Variants in ZDHHC14 observed in about 807,000 individuals in gnomAD.
The protein encoded by ZDHHC14 is zDHHC palmitoyltransferase 14.
ZDHHC14 carries 16 observed loss-of-function variants against 47.7 expected under a neutral mutation model. The ratio of observed to expected loss-of-function variants is 0.34; its 90% CI spans 0.23 to 0.51. ZDHHC14 has a LOEUF of 0.51. Among genes scored for constraint, ZDHHC14 ranks in the 20% least tolerant of loss-of-function variants. ZDHHC14 has a pLI of 0.97. For missense variants in ZDHHC14, 515 were observed against 662.5 expected, an observed-to-expected ratio of 0.78 and a Z score of 2.44; for synonymous variants, 293 against 278.9, an observed-to-expected ratio of 1.05 and a Z score of -0.50.
chr6:157,464,966 A>C lies in ZDHHC14; in HGVS notation c.246-77619A>C, dbSNP rs547923917. Among the ~76,000 whole-genome samples, 26 of 152,328 alleles carry C rather than the reference A, an allele frequency of 1.7e-4. 1 individual carries two copies. In the South Asian group the frequency reaches 4.1e-3, roughly 24 times the overall value. On this transcript the variant is annotated intron_variant, in intron 1 of 8. Transcript: ENST00000359775. ...TCTAGGGCCAGTGTTCCAAGAAACC[A>C]AGACCAAAGCTGAGCCAGCCTTGAA...
At chr6:157,405,086 A>AT (rs201109908) in intron 1 of ZDHHC14, among the ~76,000 whole-genome samples, 13,425 of 152,062 alleles carry the variant, frequency 0.088, 807 homozygotes, top group African/African-American at 0.18. Flanking sequence ...CGTTTTATTT[A>AT]TTTTTTTCTG....
intron 1 of ZDHHC14, among the ~76,000 whole-genome samples, chr6:157,399,001 A>G (rs574444061): frequency 6.6e-6 from 1 of 152,348 alleles, no homozygotes; most frequent in South Asian, 2.1e-4. Flanking sequence ...GATCAAAATA[A>G]TTAAGACGTT....
At chr6:157,492,144 G>T (rs1368525034) in intron 1 of ZDHHC14, among the ~76,000 whole-genome samples, 1 of 150,968 alleles carries the variant, frequency 6.6e-6, no homozygotes, top group Admixed American at 6.6e-5. Flanking sequence ...AGGAAACCCG[G>T]CCTTTTCCCT....
At chr6:157,623,219 C>T (rs1265178868) in intron 3 of ZDHHC14, among the ~76,000 whole-genome samples, 1 of 152,130 alleles carries the variant, frequency 6.6e-6, no homozygotes, top group Non-Finnish European at 1.5e-5. Flanking sequence ...TTCCCATAAT[C>T]CCCATGTGTG....
At position 157,427,654 on chromosome 6, in the gene ZDHHC14, G is replaced by GT. The variant is rs1778248660; in HGVS notation, c.245+45389dup. The stretch of plus-strand genomic sequence containing the variant: ...CAGAGGGGCCCGCAGGCAGAGGAAC[G>GT]TGAGTATTGAGATGTCGGCATGGGA... On this transcript the variant is annotated intron_variant, in intron 1 of 8. Coordinates refer to ENST00000359775, the MANE Select transcript of ZDHHC14 (RefSeq NM_024630.3). The surrounding 1 kb of genome is among the most constrained non-coding windows in gnomAD (Gnocchi z 4.4). Among the ~76,000 whole-genome samples the GT allele has an allele frequency of 1.3e-5, 2 of 152,164 alleles. No individual in the cohort carries two copies. Among genetic ancestry groups the GT allele is most frequent in the Non-Finnish European group, 2.9e-5 (2 of 68,034 alleles).
chr6:157,414,825 T>C lies in ZDHHC14; in HGVS notation c.245+32559T>C, dbSNP rs542972959. Among the ~76,000 whole-genome samples, 32 of 151,302 alleles carry C rather than the reference T, an allele frequency of 2.1e-4. No individual in the cohort carries two copies. The East Asian group carries it at 5.8e-3, about 27-fold the overall frequency. ...CCATCTAGTTCAGGTTTGCAGCTTTTTTTTTTTTTTTTTTTTTAAACAAAT... is the reference window on the plus strand; with the variant it reads ...CCATCTAGTTCAGGTTTGCAGCTTTCTTTTTTTTTTTTTTTTTAAACAAAT... On this transcript the variant is annotated intron_variant, in intron 1 of 8. Coordinates refer to ENST00000359775, the MANE Select transcript of ZDHHC14 (RefSeq NM_024630.3).
At chr6:157,395,124 T>C (rs950471107) in intron 1 of ZDHHC14, among the ~76,000 whole-genome samples, 3 of 150,464 alleles carry the variant, frequency 2.0e-5, no homozygotes, top group African/African-American at 7.4e-5. Flanking sequence ...CTGGATGGTG[T>C]TGCCAGCTTT....
intron 1 of ZDHHC14, among the ~76,000 whole-genome samples, chr6:157,386,538 A>G (rs921901917): frequency 6.6e-6 from 1 of 152,210 alleles, no homozygotes; most frequent in African/African-American, 2.4e-5. Flanking sequence ...CAGTGAAGAC[A>G]GTACAGAAAG....
At chr6:157,575,660 C>G (rs1783278736) in intron 2 of ZDHHC14, among the ~76,000 whole-genome samples, 1 of 152,218 alleles carries the variant, frequency 6.6e-6, no homozygotes, top group Non-Finnish European at 1.5e-5. Context: ...GCCTCCAGAT[C>G]CTGGCTCAAA....
At chr6:157,501,633 T>A (rs2114738707) in intron 1 of ZDHHC14, among the ~76,000 whole-genome samples, 1 of 152,352 alleles carries the variant, frequency 6.6e-6, no homozygotes, top group South Asian at 2.1e-4. Flanking sequence ...AAGTTAGTAT[T>A]GTTTTATTTT....
chr6:157,615,516 T>C (rs1229660655), intron 3 of ZDHHC14, among the ~76,000 whole-genome samples: 1 of 152,144 alleles, frequency 6.6e-6, no homozygotes, highest in African/African-American at 2.4e-5. Context: ...TCTTGAAAAG[T>C]TTTATTTAGC....
intron 1 of ZDHHC14, among the ~76,000 whole-genome samples, chr6:157,454,803 G>T (rs1778876865): frequency 6.6e-6 from 1 of 152,178 alleles, no homozygotes; most frequent in Admixed American, 6.5e-5. Context: ...TTATTTAATA[G>T]AAGCCACAGG....
At chr6:157,400,192 C>T (rs1436982002) in intron 1 of ZDHHC14, among the ~76,000 whole-genome samples, 1 of 152,176 alleles carries the variant, frequency 6.6e-6, no homozygotes, top group Non-Finnish European at 1.5e-5. Flanking sequence ...AGGTCCCACT[C>T]ACAGACAGTG....
intron 1 of ZDHHC14, among the ~76,000 whole-genome samples, chr6:157,499,844 CGATT>C (rs1308532228): frequency 1.3e-5 from 2 of 152,148 alleles, no homozygotes; most frequent in Admixed American, 6.5e-5. Context: ...GGAGACAAAT[CGATT>C]GATTGATTCA....
chr6:157,570,754 TACACACACACACACACATATATATATAC>T (rs1562486261), intron 2 of ZDHHC14, among the ~76,000 whole-genome samples: 1 of 142,268 alleles, frequency 7.0e-6, no homozygotes, highest in African/African-American at 3.0e-5. Flanking sequence ...TGTATATACA[TACACACACACACACACATATATATATAC>T]ACACACACAC....
intron 1 of ZDHHC14, among the ~76,000 whole-genome samples, chr6:157,411,722 A>G (rs1777873155): frequency 6.6e-6 from 1 of 151,256 alleles, no homozygotes. Flanking sequence ...TAAAATGCTA[A>G]AAAGGACTTT....
chr6:157,547,245 CT>C (rs1782011300), intron 2 of ZDHHC14, among the ~76,000 whole-genome samples: 1 of 152,254 alleles, frequency 6.6e-6, no homozygotes. Context: ...TCCTTCTCCC[CT>C]ATCTTCGGTC....
At chr6:157,458,375 A>G (rs904985046) in intron 1 of ZDHHC14, among the ~76,000 whole-genome samples, 3 of 152,212 alleles carry the variant, frequency 2.0e-5, no homozygotes, top group African/African-American at 7.2e-5. Flanking sequence ...TGGGCGGACA[A>G]CATGAAATGG....
At chr6:157,408,644 T>C (rs142149249) in intron 1 of ZDHHC14, among the ~76,000 whole-genome samples, 1,974 of 152,332 alleles carry the variant, frequency 0.013, 17 homozygotes, top group Non-Finnish European at 0.018. Context: ...ATCTGATTCC[T>C]TTTTATGGCT....
Sources: gnomAD v4.1 joint callset for allele counts (sites outside exome capture counted in the v4.1 genomes callset) on GRCh38, gnomAD v4.1.1 for gene constraint, Gnocchi (gnomAD v3.1) non-coding constraint, MANE v1.5 for transcripts, NCBI Gene and HGNC (gene_info 2026-07-23, HGNC 2026-07-21) for gene names.